Variants in COLEC12 observed in about 807,000 individuals in gnomAD.
The protein encoded by COLEC12 is collectin-12.
In COLEC12, 33 loss-of-function variants were observed where a neutral mutation model predicts 71.1. That is an observed-to-expected ratio of 0.46 (90% CI 0.35 to 0.62). The LOEUF (loss-of-function observed/expected upper bound fraction) is 0.62. Among genes scored for constraint, COLEC12 ranks in the 20% least tolerant of loss-of-function variants. The pLI, the probability that COLEC12 is intolerant of heterozygous loss-of-function variation, is 0.00. For synonymous variants in COLEC12, 350 were observed against 353.0 expected (o/e 0.99, Z 0.10); for missense variants, 765 against 916.1 (o/e 0.84, Z 2.13).
chr18:499,936 T>C (rs1288708927), intron 1 of COLEC12, among the ~76,000 whole-genome samples: 1 of 152,152 alleles, frequency 6.6e-6, no homozygotes, highest in East Asian at 1.9e-4. Flanking sequence ...TTCCAGTCGG[T>C]GAATCTGATG....
intron 2 of COLEC12, among the ~76,000 whole-genome samples, chr18:461,651 G>T (rs1301644729): frequency 6.6e-6 from 1 of 152,080 alleles, no homozygotes; most frequent in African/African-American, 2.4e-5. Flanking sequence ...GCCTACTAAA[G>T]TACTAGGATT....
intron 2 of COLEC12, among the ~76,000 whole-genome samples, chr18:392,755 G>A (rs1915489171): frequency 6.6e-6 from 1 of 152,220 alleles, no homozygotes; most frequent in Non-Finnish European, 1.5e-5. Context: ...TGCTGTCAGG[G>A]CAGGAAACTT....
chr18:350,435 T>G (rs1457977065), intron 3 of COLEC12, among the ~76,000 whole-genome samples: 1 of 152,214 alleles, frequency 6.6e-6, no homozygotes, highest in Non-Finnish European at 1.5e-5. Flanking sequence ...GGGAACGGAC[T>G]AATACAGCCA....
chr18:354,658 A>G (rs1914591727), intron 3 of COLEC12, among the ~76,000 whole-genome samples: 1 of 152,208 alleles, frequency 6.6e-6, no homozygotes, highest in Non-Finnish European at 1.5e-5. Context: ...AAGAAAGAGG[A>G]GTCACTGTGT....
intron 3 of COLEC12, among the ~76,000 whole-genome samples, chr18:355,783 G>C (rs181626097): frequency 6.6e-6 from 1 of 152,290 alleles, no homozygotes; most frequent in East Asian, 1.9e-4. Context: ...AAAAGGAAGA[G>C]AGATAGTCCG....
At chr18:479,232 C>G (rs537394442) in intron 2 of COLEC12, among the ~76,000 whole-genome samples, 5 of 152,290 alleles carry the variant, frequency 3.3e-5, no homozygotes, top group South Asian at 4.2e-4. Flanking sequence ...GGACCATGGT[C>G]TCATCGCAGA....
At chr18:338,984 ATTTTTTTTTT>A (rs33991062) in intron 5 of COLEC12, among the ~76,000 whole-genome samples, 19 of 144,536 alleles carry the variant, frequency 1.3e-4, no homozygotes, top group East Asian at 9.8e-4. Context: ...TATTGTCTTA[ATTTTTTTTTT>A]TTTTTTTTTT....
intron 1 of COLEC12, among the ~76,000 whole-genome samples, chr18:485,399 C>T (rs1917501167): frequency 2.0e-5 from 3 of 152,200 alleles, no homozygotes; most frequent in African/African-American, 7.2e-5. Context: ...TTTCTGACAG[C>T]CATCTGTCTG....
At chr18:464,642 G>C (rs1336087620) in intron 2 of COLEC12, among the ~76,000 whole-genome samples, 1 of 152,156 alleles carries the variant, frequency 6.6e-6, no homozygotes, top group Admixed American at 6.5e-5. Flanking sequence ...TCAAACTACA[G>C]TAGAGATACG....
rs932089779 is a variant in COLEC12, at chr18:470,127, T to C, written c.58+10580A>G. 3.9e-5 allele frequency among the ~76,000 whole-genome samples: 6 copies of C among 152,092 alleles called. No homozygotes were observed. The East Asian group carries it at 1.2e-3, about 29-fold the overall frequency. ...CATGAGGTGGGACAATCATTATATC[T>C]TAATATTTTTTATCAGGCAGGGTGC... On this transcript the variant is annotated intron_variant, in intron 2 of 9. Transcript: ENST00000400256.
At position 480,712 on chromosome 18, in the gene COLEC12, C is replaced by T. The variant is rs765836901; in HGVS notation, c.53G>A (p.Arg18Gln). 73 of 1,613,830 alleles carry T rather than the reference C, an allele frequency of 4.5e-5. No homozygotes were observed. The highest frequency in any genetic ancestry group is 1.6e-4 in the Middle Eastern group (1 of 6,084). ...EEEVQSFGYKRFGIQEGTQCT... is the reference protein window; with the variant it reads ...EEEVQSFGYKQFGIQEGTQCT... ...ACAGCTTTGTTAGGACTCACCAAAC[C>T]GCTTGTAACCGAAGGATTGCACCTC... The change falls in exon 2 of 10, where the codon CGG (arginine) becomes CAG (glutamine). Residue 18 changes from arginine (R) to glutamine (Q), a missense_variant. Arg to Gln is a conservative substitution (Grantham distance 43). Transcript: ENST00000400256. This position sits in a 1 kb window ranked among gnomAD's most constrained non-coding sequence, Gnocchi z 4.1.
intron 2 of COLEC12, among the ~76,000 whole-genome samples, chr18:368,469 G>C (rs1274284): frequency 0.19 from 29,400 of 152,188 alleles, 3,040 homozygotes; most frequent in Non-Finnish European, 0.24. Context: ...AGCTACTTGG[G>C]TGGCTGAGGC....
chr18:437,041 T>A (rs1916421759), intron 2 of COLEC12, among the ~76,000 whole-genome samples: 2 of 152,166 alleles, frequency 1.3e-5, no homozygotes. Context: ...CTGAGCAGAA[T>A]AAAATTGGAG....
chr18:444,488 C>G (rs1320942440), intron 2 of COLEC12, among the ~76,000 whole-genome samples: 2 of 152,190 alleles, frequency 1.3e-5, no homozygotes, highest in South Asian at 2.1e-4. Context: ...ATAGAAAATA[C>G]AAGCCCATAT....
intron 2 of COLEC12, among the ~76,000 whole-genome samples, chr18:360,908 C>T (rs993341586): frequency 6.6e-6 from 1 of 152,142 alleles, no homozygotes; most frequent in African/African-American, 2.4e-5. Flanking sequence ...ACCTGTATGT[C>T]TCAGCACCGT....
At chr18:330,179 G>A (rs1453046096) in intron 8 of COLEC12, among the ~76,000 whole-genome samples, 2 of 152,306 alleles carry the variant, frequency 1.3e-5, no homozygotes, top group Middle Eastern at 3.4e-3. Flanking sequence ...GTACAAAAGA[G>A]CCTGTTTATC....
intron 1 of COLEC12, among the ~76,000 whole-genome samples, chr18:486,385 A>G (rs959405649): frequency 2.6e-5 from 4 of 152,140 alleles, no homozygotes; most frequent in African/African-American, 9.7e-5. Context: ...GAGTTTTGCC[A>G]TGTTGGTCAG....
In COLEC12 at chr18:362,676, C is replaced by T. The variant is rs1323603257; in HGVS notation, c.59-5154G>A. 6.6e-6 allele frequency among the ~76,000 whole-genome samples: 1 copy of T among 152,148 alleles called. No homozygotes were observed. Among genetic ancestry groups the T allele is most frequent in the East Asian group, 1.9e-4 (1 of 5,164 alleles). ...GTTCAGGAAGTGAAGCAGTGCTGCCCCTCACCATTAAGAGATCCAGCGTGC... is the reference window on the plus strand; with the variant it reads ...GTTCAGGAAGTGAAGCAGTGCTGCCTCTCACCATTAAGAGATCCAGCGTGC... On this transcript the variant is annotated intron_variant, in intron 2 of 9. Transcript: ENST00000400256. The surrounding 1 kb of genome is among the most constrained non-coding windows in gnomAD (Gnocchi z 4.6).
At chr18:459,020 A>T (rs1448943142) in intron 2 of COLEC12, among the ~76,000 whole-genome samples, 1 of 152,078 alleles carries the variant, frequency 6.6e-6, no homozygotes, top group Non-Finnish European at 1.5e-5. Context: ...TTTTCTGTAG[A>T]GATGGGGACT....
Sources: gnomAD v4.1 joint callset for allele counts (sites outside exome capture counted in the v4.1 genomes callset) on GRCh38, gnomAD v4.1.1 for gene constraint, Gnocchi (gnomAD v3.1) non-coding constraint, MANE v1.5 for transcripts, NCBI Gene and HGNC (gene_info 2026-07-23, HGNC 2026-07-21) for gene names.